Variants in ANO3 observed in about 807,000 individuals in gnomAD.
ANO3 encodes anoctamin 3.
In ANO3, 99 loss-of-function variants were observed where a neutral mutation model predicts 144.8. The observed-to-expected ratio is 0.68, with a 90% CI of 0.58 to 0.81. The LOEUF (loss-of-function observed/expected upper bound fraction) is 0.81. ANO3 is among the 30% of genes least tolerant of loss of function. ANO3 has a pLI of 0.00. For synonymous variants in ANO3, 414 were observed against 392.6 expected (o/e 1.05, Z -0.64); for missense variants, 905 against 1,202.2 (o/e 0.75, Z 3.66).
At chr11:26,465,899 GTAAC>G (rs1297729818) in intron 4 of ANO3, among the ~76,000 whole-genome samples, 1 of 151,862 alleles carries the variant, frequency 6.6e-6, no homozygotes, top group Non-Finnish European at 1.5e-5. Context: ...GTATTTATGA[GTAAC>G]TATAGTTTGC....
chr11:26,448,489 AAT>A, intron 3 of ANO3, among the ~76,000 whole-genome samples: 1 of 152,242 alleles, frequency 6.6e-6, no homozygotes, highest in Middle Eastern at 3.4e-3. Context: ...CTACAAACAT[AAT>A]AGTTTAGCTC....
intron 24 of ANO3, among the ~76,000 whole-genome samples, chr11:26,654,743 A>T (rs534949426): frequency 6.6e-6 from 1 of 152,270 alleles, no homozygotes; most frequent in East Asian, 1.9e-4. Context: ...ATTTATGTAG[A>T]TATTCTTCAT....
At chr11:26,554,725 A>G (rs560852280) in intron 13 of ANO3, among the ~76,000 whole-genome samples, 273 of 152,110 alleles carry the variant, frequency 1.8e-3, no homozygotes, top group African/African-American at 6.5e-3. Flanking sequence ...TCCTTGACAG[A>G]TGGTTTCCTT....
At chr11:26,293,968 C>T (rs1279213275) in intron 1 of ANO3, among the ~76,000 whole-genome samples, 1 of 151,994 alleles carries the variant, frequency 6.6e-6, no homozygotes, top group African/African-American at 2.4e-5. Flanking sequence ...CGCTTTTTTG[C>T]ATTGCCAATG....
intron 1 of ANO3, among the ~76,000 whole-genome samples, chr11:26,431,375 C>T (rs191436143): frequency 6.6e-6 from 1 of 152,230 alleles, no homozygotes; most frequent in African/African-American, 2.4e-5. Context: ...GCCCCCATAA[C>T]TCAGGTAGTG....
intron 24 of ANO3, among the ~76,000 whole-genome samples, chr11:26,654,716 T>C (rs993362335): frequency 2.0e-5 from 3 of 152,204 alleles, no homozygotes; most frequent in African/African-American, 4.8e-5. Context: ...CTGTTAAATA[T>C]GATATTAGCT....
intron 20 of ANO3, among the ~76,000 whole-genome samples, 168 bp downstream of exon 20, chr11:26,635,238 C>T (rs979255919): frequency 3.3e-5 from 5 of 152,068 alleles, no homozygotes; most frequent in Admixed American, 6.6e-5. Flanking sequence ...AGGGGGTGAA[C>T]TGAAAAGTTA....
chr11:26,342,444 C>T (rs1361418374), intron 1 of ANO3, among the ~76,000 whole-genome samples: 1 of 151,804 alleles, frequency 6.6e-6, no homozygotes, highest in Non-Finnish European at 1.5e-5. Context: ...TTTTGCTCAT[C>T]TGCCCTTTTC....
At chr11:26,281,394 T>G (rs1292834498) in intron 1 of ANO3, among the ~76,000 whole-genome samples, 1 of 152,020 alleles carries the variant, frequency 6.6e-6, no homozygotes, top group Non-Finnish European at 1.5e-5. Flanking sequence ...CATAGAAAAA[T>G]TATGACTAAA....
chr11:26,246,309 G>A (rs1374331077), intron 1 of ANO3, among the ~76,000 whole-genome samples: 3 of 152,066 alleles, frequency 2.0e-5, no homozygotes, highest in East Asian at 3.9e-4. Flanking sequence ...TGTATCACCA[G>A]TTTCCAAACC....
Position 26,497,079 on chromosome 11 carries a change from C to T in ANO3, c.433-11025C>T, listed in dbSNP as rs139880865. The stretch of plus-strand genomic sequence containing the variant: ...TTCTCTCTCTATATATATACACAGA[C>T]ACACAAACCTATATATATTTCTGTG... On this transcript the variant is annotated intron_variant, in intron 4 of 26. Coordinates refer to ENST00000256737, the MANE Select transcript of ANO3 (RefSeq NM_031418.4). Among the ~76,000 whole-genome samples, 45 of 151,016 alleles carry T rather than the reference C, an allele frequency of 3.0e-4. 1 individual carries two copies. The highest frequency in any genetic ancestry group is 9.7e-4 in the African/African-American group (40 of 41,174).
intron 1 of ANO3, among the ~76,000 whole-genome samples, chr11:26,400,202 C>T (rs2133973294): frequency 6.6e-6 from 1 of 152,082 alleles, no homozygotes; most frequent in South Asian, 2.1e-4. Flanking sequence ...TATGTGAGGT[C>T]ATCAGGAGAA....
intron 1 of ANO3, among the ~76,000 whole-genome samples, chr11:26,351,869 C>A (rs995051182): frequency 2.0e-5 from 3 of 152,094 alleles, no homozygotes; most frequent in African/African-American, 7.2e-5. Flanking sequence ...AGTTTGACCG[C>A]ACTAATATCC....
chr11:26,287,576 T>C (rs1035612640), intron 1 of ANO3: 1 of 152,128 alleles, frequency 6.6e-6, no homozygotes, highest in African/African-American at 2.4e-5. Context: ...CAAAAATATA[T>C]GATAAGTACT....
chr11:26,506,882 G>C (rs1226829389), intron 4 of ANO3, among the ~76,000 whole-genome samples: 1 of 152,110 alleles, frequency 6.6e-6, no homozygotes, highest in Non-Finnish European at 1.5e-5. Context: ...ACCTGGAGCT[G>C]CCTATCTGCC....
intron 3 of ANO3, among the ~76,000 whole-genome samples, chr11:26,452,987 T>A (rs1406329324): frequency 4.6e-5 from 7 of 152,084 alleles, no homozygotes; most frequent in Non-Finnish European, 7.4e-5. Context: ...CTAAGCTTCA[T>A]AAGTGAAGGA....
intron 3 of ANO3, among the ~76,000 whole-genome samples, chr11:26,448,231 G>A (rs574381166): frequency 1.4e-4 from 21 of 151,634 alleles, no homozygotes; most frequent in African/African-American, 2.7e-4. Flanking sequence ...CCCAGGAGGC[G>A]GAGGTTGCGG....
intron 4 of ANO3, among the ~76,000 whole-genome samples, chr11:26,479,357 G>C (rs1860113064): frequency 6.6e-6 from 1 of 152,192 alleles, no homozygotes; most frequent in Non-Finnish European, 1.5e-5. Context: ...ATGTGTGTCT[G>C]TAATAGTCTG....
chr11:26,624,223 C>T (rs1852509237), intron 17 of ANO3, among the ~76,000 whole-genome samples: 3 of 152,214 alleles, frequency 2.0e-5, no homozygotes, highest in Non-Finnish European at 4.4e-5. Flanking sequence ...TTACAGATTA[C>T]AAGTGTATCT....
Sources: gnomAD v4.1 joint callset for allele counts (sites outside exome capture counted in the v4.1 genomes callset) on GRCh38, gnomAD v4.1.1 for gene constraint, MANE v1.5 for transcripts, NCBI Gene and HGNC (gene_info 2026-07-23, HGNC 2026-07-21) for gene names.